The following HSD17B12 variants were observed in gnomAD, a reference collection of about 807,000 sequenced individuals.
HSD17B12 encodes the protein very-long-chain 3-oxoacyl-CoA reductase.
HSD17B12 carries 32 observed loss-of-function variants against 39.3 expected under a neutral mutation model. That is an observed-to-expected ratio of 0.81 (90% CI 0.61 to 1.09). The LOEUF is 1.09. Ranked by LOEUF, HSD17B12 falls within the 50% of genes least tolerant of loss-of-function variation. The pLI, the probability that HSD17B12 is intolerant of heterozygous loss-of-function variation, is 0.00. For missense variants in HSD17B12, 342 were observed against 382.9 expected, an observed-to-expected ratio of 0.89 and a Z score of 0.89; for synonymous variants, 150 against 146.7, an observed-to-expected ratio of 1.02 and a Z score of -0.16.
At chr11:43,695,327 C>A (rs1949900675) in intron 1 of HSD17B12, among the ~76,000 whole-genome samples, 1 of 152,082 alleles carries the variant, frequency 6.6e-6, no homozygotes, top group Non-Finnish European at 1.5e-5. Flanking sequence ...ACATGTAATC[C>A]CAGCATTTTC....
intron 1 of HSD17B12, among the ~76,000 whole-genome samples, chr11:43,730,430 C>G (rs1554963323): frequency 6.6e-6 from 1 of 151,544 alleles, no homozygotes; most frequent in Non-Finnish European, 1.5e-5. Context: ...GGGGGTTTAC[C>G]AAAAAGTAGA....
At chr11:43,597,694 G>A in the HSD17B12 span, among the ~76,000 whole-genome samples, 4 of 152,208 alleles carry the variant, frequency 2.6e-5, no homozygotes, top group East Asian at 3.9e-4. Context: ...CACCCGGGCT[G>A]TAGTGCAGTG....
chr11:43,561,822 G>A, the HSD17B12 span, among the ~76,000 whole-genome samples: 1 of 152,170 alleles, frequency 6.6e-6, no homozygotes, highest in Non-Finnish European at 1.5e-5. Context: ...AGTCCAGTTA[G>A]TGGACTGGAA....
chr11:43,696,176 T>A (rs1026801370), intron 1 of HSD17B12, among the ~76,000 whole-genome samples: 5 of 152,182 alleles, frequency 3.3e-5, no homozygotes, highest in African/African-American at 1.2e-4. Context: ...AAGGACATGA[T>A]CTTGTTCTTT....
chr11:43,800,718 A>G (rs1490677941), intron 4 of HSD17B12, among the ~76,000 whole-genome samples: 1 of 152,190 alleles, frequency 6.6e-6, no homozygotes, highest in Non-Finnish European at 1.5e-5. Flanking sequence ...GGCCTCATAC[A>G]CTAATGAACC....
the HSD17B12 span, chr11:43,644,774 G>A: frequency 1.3e-5 from 2 of 152,646 alleles, no homozygotes; most frequent in Non-Finnish European, 2.9e-5. Flanking sequence ...AGTTATGAAC[G>A]TGTCCATGAT....
At chr11:43,715,972 C>A (rs557057481) in intron 1 of HSD17B12, among the ~76,000 whole-genome samples, 14 of 152,040 alleles carry the variant, frequency 9.2e-5, no homozygotes, top group Non-Finnish European at 2.1e-4. Context: ...GTCCTTTGAA[C>A]TTTTATAATC....
intron 1 of HSD17B12, among the ~76,000 whole-genome samples, chr11:43,724,779 A>G (rs1950206647): frequency 6.6e-6 from 1 of 152,206 alleles, no homozygotes; most frequent in African/African-American, 2.4e-5. Context: ...GGGGAACACA[A>G]ACATTCAGAC....
intron 3 of HSD17B12, among the ~76,000 whole-genome samples, chr11:43,775,974 T>C (rs1950699171): frequency 6.6e-6 from 1 of 152,198 alleles, no homozygotes; most frequent in South Asian, 2.1e-4. Context: ...TTCCATGGTG[T>C]ATATGTACCA....
intron 5 of HSD17B12, 125 bp from the exon 6 acceptor site, chr11:43,816,222 A>AT: frequency 1.3e-6 from 1 of 788,928 alleles, no homozygotes; most frequent in Non-Finnish European, 1.8e-6. Flanking sequence ...AACTCTTGTC[A>AT]TTTTTCCAAA....
chr11:43,732,041 T>A (rs190022843), intron 1 of HSD17B12, among the ~76,000 whole-genome samples: 1 of 152,284 alleles, frequency 6.6e-6, no homozygotes, highest in Non-Finnish European at 1.5e-5. Flanking sequence ...GTAGTTCCCA[T>A]AATCTCCTTA....
intron 9 of HSD17B12, chr11:43,852,643 C>T (rs1951543104): frequency 6.6e-6 from 1 of 152,208 alleles, no homozygotes; most frequent in Non-Finnish European, 1.5e-5. Context: ...GAGAGCCTCA[C>T]TGAACTCTGC....
rs2135156562 is a variant in HSD17B12, at chr11:43,856,071, T to C, written c.*823T>C. ...GCATTAAACCAATATTGATCACACA[T>C]ATGACACAGGCTAGTCCTATAAAAG... On this transcript the variant is annotated 3_prime_UTR_variant, in exon 11 of 11. Coordinates refer to ENST00000278353, the MANE Select transcript of HSD17B12 (RefSeq NM_016142.3). 6.6e-6 allele frequency: 1 copy of C among 152,588 alleles called. No individual in the cohort carries two copies. Among genetic ancestry groups the C allele is most frequent in the African/African-American group, 2.4e-5 (1 of 41,536 alleles). 9.5% of individuals were successfully genotyped at this position (152,588 alleles called of 1,614,324 possible). A position where few individuals can be genotyped will look rare whatever the true frequency, so the allele number is the denominator to read the frequency against.
chr11:43,639,321 G>A, the HSD17B12 span, among the ~76,000 whole-genome samples: 3 of 152,190 alleles, frequency 2.0e-5, no homozygotes, highest in Non-Finnish European at 2.9e-5. Context: ...TCAGGAAAAC[G>A]AGTAGAGCTG....
At chr11:43,689,128 A>G (rs192777176) in intron 1 of HSD17B12, among the ~76,000 whole-genome samples, 3 of 152,350 alleles carry the variant, frequency 2.0e-5, no homozygotes. Context: ...TCCTTTATAT[A>G]TAGATCCCCT....
the HSD17B12 span, among the ~76,000 whole-genome samples, chr11:43,674,777 G>C: frequency 1.8e-4 from 27 of 152,186 alleles, no homozygotes; most frequent in Non-Finnish European, 3.1e-4. Context: ...GGTGTTGATT[G>C]CTTTCTCCTC....
chr11:43,854,895 A>T (rs1306670503), intron 10 of HSD17B12, 31 bp downstream of exon 10: 1 of 1,608,786 alleles, frequency 6.2e-7, no homozygotes, highest in Admixed American at 1.7e-5. Context: ...ACAAATCAAT[A>T]CTTTCTGGCT....
At chr11:43,784,982 A>G (rs907287616) in intron 3 of HSD17B12, among the ~76,000 whole-genome samples, 10 of 152,160 alleles carry the variant, frequency 6.6e-5, no homozygotes, top group Non-Finnish European at 1.2e-4. Flanking sequence ...ATCTTGAGGC[A>G]TTAACTTTTT....
chr11:43,572,299 C>T, the HSD17B12 span, among the ~76,000 whole-genome samples: 1 of 152,184 alleles, frequency 6.6e-6, no homozygotes, highest in African/African-American at 2.4e-5. Flanking sequence ...TCTCTTCTCA[C>T]AGGCAGAGAG....
Sources: gnomAD v4.1 joint callset for allele counts (sites outside exome capture counted in the v4.1 genomes callset) on GRCh38, gnomAD v4.1.1 for gene constraint, MANE v1.5 for transcripts, NCBI Gene and HGNC (gene_info 2026-07-23, HGNC 2026-07-21) for gene names.